HINT3: variants seen among roughly 807,000 people sequenced by gnomAD.
The protein encoded by HINT3 is histidine triad nucleotide binding protein 3.
In HINT3, 16 loss-of-function variants were observed where a neutral mutation model predicts 19.1. The observed-to-expected ratio is 0.84, with a 90% CI of 0.57 to 1.27. HINT3 has a LOEUF of 1.27. Among genes scored for constraint, HINT3 ranks in the 50% most tolerant of loss-of-function variants. HINT3 has a pLI of 0.00. For synonymous variants in HINT3, 75 were observed against 84.8 expected (o/e 0.88, Z 0.63); for missense variants, 197 against 225.8 (o/e 0.87, Z 0.82).
In HINT3 at chr6:125,957,222, C is replaced by T. The variant is rs1178534126; in HGVS notation, c.201+44C>T. 3.3e-6 allele frequency: 5 copies of T among 1,506,970 alleles called. No homozygotes were observed. In the African/African-American group the frequency reaches 5.5e-5, roughly 17 times the overall value. 93.3% of individuals were successfully genotyped at this position (1,506,970 alleles called of 1,614,324 possible). A position where few individuals can be genotyped will look rare whatever the true frequency, so the allele number is the denominator to read the frequency against. ...CCGGGGGTGGGTGAGGACCTGGCCG[C>T]CCCTCGGAGCTCCGGCAGGGAGGCC... On this transcript the variant is annotated intron_variant, in intron 1 of 4. Transcript: ENST00000229633.
chr6:125,971,229 A>G (rs1789093042), intron 2 of HINT3, among the ~76,000 whole-genome samples: 1 of 152,210 alleles, frequency 6.6e-6, no homozygotes, highest in African/African-American at 2.4e-5. Context: ...CATTATACAA[A>G]TTTTTGGCTA....
intron 3 of HINT3, among the ~76,000 whole-genome samples, chr6:125,972,960 A>C (rs1354502789): frequency 1.3e-5 from 2 of 151,460 alleles, no homozygotes; most frequent in East Asian, 1.9e-4. Flanking sequence ...TCTTAGAAAA[A>C]TTTTATATGA....
intron 3 of HINT3, among the ~76,000 whole-genome samples, 184 bp from the exon 4 acceptor site, chr6:125,974,663 A>T (rs1789155624): frequency 1.3e-5 from 2 of 152,372 alleles, no homozygotes; most frequent in South Asian, 4.1e-4. Flanking sequence ...GAACTTCAAC[A>T]TGAAAAGAAG....
rs1320382726 is a variant in HINT3, at chr6:125,957,144, G to A, written c.167G>A (p.Arg56Gln). Residue 56 changes from arginine to glutamine, a missense_variant, in exon 1 of 5, where the codon CGG (arginine) becomes CAG (glutamine). Physicochemically the swap from Arg to Gln is conservative, Grantham distance 43. Coordinates refer to ENST00000229633, the MANE Select transcript of HINT3 (RefSeq NM_138571.5). ...TGCGTGTTCTGCCGGATCGCGGGGC[G>A]GCAGGACCCGGGCACCGAACTCCTG... is the stretch of plus-strand genomic sequence containing the variant. ...STCVFCRIAG[R>Q]QDPGTELLHC... The A allele has an allele frequency of 6.5e-7, 1 of 1,550,054 alleles. No homozygotes were observed. Among genetic ancestry groups the A allele is most frequent in the Admixed American group, 2.0e-5 (1 of 50,988 alleles).
intron 4 of HINT3, among the ~76,000 whole-genome samples, chr6:125,976,756 G>A (rs181857807): frequency 2.5e-4 from 38 of 151,726 alleles, no homozygotes; most frequent in African/African-American, 8.5e-4. Flanking sequence ...CTTTGTTAGC[G>A]TATCTTATGA....
intron 1 of HINT3, among the ~76,000 whole-genome samples, chr6:125,961,437 A>G (rs1425985691): frequency 6.6e-6 from 1 of 152,160 alleles, no homozygotes; most frequent in Non-Finnish European, 1.5e-5. Context: ...CTCAGTCCCC[A>G]AGACTGGCCT....
rs1176011475 is a variant in HINT3 at position 125,962,307 on chromosome 6, T to TA, written c.202-4580_202-4579insA. Among the ~76,000 whole-genome samples the TA allele has an allele frequency of 1.7e-3, 43 of 25,952 alleles. 7 individuals carry two copies. The East Asian group carries it at 0.02, about 12-fold the overall frequency. 17.0% of individuals were successfully genotyped at this position (25,952 alleles called of 152,430 possible). On this transcript the variant is annotated intron_variant, in intron 1 of 4. Coordinates refer to ENST00000229633, the MANE Select transcript of HINT3 (RefSeq NM_138571.5). ...ATATACACATATATATATATATATA[T>TA]CACACATATATATATATATATATCA... is the stretch of plus-strand genomic sequence containing the variant.
At chr6:125,966,741 C>T (rs548666320) in intron 1 of HINT3, 146 bp from the exon 2 acceptor site, 12 of 518,044 alleles carry the variant, frequency 2.3e-5, no homozygotes, top group Middle Eastern at 8.7e-4. Context: ...GAACTTAATG[C>T]GTAATTATAA....
chr6:125,971,205 T>G (rs1016513735), intron 2 of HINT3, among the ~76,000 whole-genome samples: 3 of 152,200 alleles, frequency 2.0e-5, no homozygotes, highest in African/African-American at 7.2e-5. Context: ...GAGATGGAAT[T>G]TGGAAGCCAG....
chr6:125,969,955 T>A (rs1323770787), intron 2 of HINT3, among the ~76,000 whole-genome samples: 1 of 152,208 alleles, frequency 6.6e-6, no homozygotes, highest in Non-Finnish European at 1.5e-5. Context: ...CTCCTTTTCC[T>A]ATTTGGATGC....
chr6:125,969,201 C>G (rs975309146), intron 2 of HINT3, among the ~76,000 whole-genome samples: 2 of 152,098 alleles, frequency 1.3e-5, no homozygotes, highest in Admixed American at 1.3e-4. Flanking sequence ...AGGTAGGGGT[C>G]CAGTTTTATT....
intron 2 of HINT3, among the ~76,000 whole-genome samples, chr6:125,970,469 T>G (rs1291963800): frequency 1.3e-5 from 2 of 152,208 alleles, no homozygotes; most frequent in Admixed American, 1.3e-4. Context: ...ATAACTAGTT[T>G]TTATAATGTT....
rs1207886123 is a variant in HINT3, at chr6:125,957,168, T to A, written c.191T>A (p.Leu64Gln). The change falls in exon 1 of 5, where the codon CTG (leucine) becomes CAG (glutamine). Residue 64 changes from leucine (L) to glutamine (Q), a missense_variant. Leu to Gln is a moderately radical substitution (Grantham distance 113). Transcript: ENST00000229633. Reference protein sequence around the residue: ...AGRQDPGTELLHCENEDLICF... With the variant: ...AGRQDPGTELQHCENEDLICF... ...CGGCAGGACCCGGGCACCGAACTCCTGCACTGCGAGGTGGGCGGCGACGCG... is the reference window on the plus strand; with the variant it reads ...CGGCAGGACCCGGGCACCGAACTCCAGCACTGCGAGGTGGGCGGCGACGCG... 6.5e-7 allele frequency: 1 copy of A among 1,545,088 alleles called. No homozygotes were observed. Among genetic ancestry groups the A allele is most frequent in the African/African-American group, 1.4e-5 (1 of 72,892 alleles).
intron 3 of HINT3, among the ~76,000 whole-genome samples, chr6:125,973,169 G>A (rs1483237518): frequency 7.7e-6 from 1 of 130,224 alleles, no homozygotes; most frequent in African/African-American, 2.9e-5. Flanking sequence ...TCTGCCTCCG[G>A]AGTTCAAGTG....
At chr6:125,963,080 C>T (rs1788966104) in intron 1 of HINT3, among the ~76,000 whole-genome samples, 1 of 152,156 alleles carries the variant, frequency 6.6e-6, no homozygotes, top group African/African-American at 2.4e-5. Context: ...TGGTTAGCAT[C>T]CCCGATCTCG....
At chr6:125,957,973 G>C (rs1261488133) in intron 1 of HINT3, among the ~76,000 whole-genome samples, 5 of 152,186 alleles carry the variant, frequency 3.3e-5, no homozygotes, top group African/African-American at 1.2e-4. Context: ...ATAAGGGACA[G>C]TCTGTGTCCC....
intron 1 of HINT3, among the ~76,000 whole-genome samples, chr6:125,959,196 G>T (rs1371016295): frequency 6.6e-6 from 1 of 152,146 alleles, no homozygotes; most frequent in Admixed American, 6.5e-5. Flanking sequence ...TACAGGAACT[G>T]TCGGTTTATA....
At chr6:125,962,055 G>A (rs2128710633) in intron 1 of HINT3, among the ~76,000 whole-genome samples, 1 of 151,000 alleles carries the variant, frequency 6.6e-6, no homozygotes, top group East Asian at 2.0e-4. Flanking sequence ...TTTTTCTGAG[G>A]CCTGTCTCTG....
intron 1 of HINT3, among the ~76,000 whole-genome samples, chr6:125,961,414 C>T (rs1461425206): frequency 6.6e-6 from 1 of 152,114 alleles, no homozygotes; most frequent in African/African-American, 2.4e-5. Flanking sequence ...CATCAGATCC[C>T]GCAGGTTGAA....
Sources: allele counts gnomAD v4.1 joint callset (sites outside exome capture counted in the v4.1 genomes callset), GRCh38; gene constraint gnomAD v4.1.1; transcripts MANE v1.5; gene names NCBI Gene and HGNC (gene_info 2026-07-23, HGNC 2026-07-21).